PAG1: variants seen among roughly 807,000 people sequenced by gnomAD.
PAG1 encodes phosphoprotein membrane anchor with glycosphingolipid microdomains 1.
A neutral mutation model predicts 31.7 loss-of-function variants in PAG1; 23 were observed. The ratio of observed to expected loss-of-function variants is 0.73; its 90% CI spans 0.52 to 1.03. PAG1 has a LOEUF of 1.03. Among genes scored for constraint, PAG1 ranks in the 50% least tolerant of loss-of-function variants. The probability of loss-of-function intolerance (pLI) is 0.00; values close to 1 mark genes in which losing one functional copy is unlikely to be tolerated. For missense variants in PAG1, 473 were observed against 540.7 expected (o/e 0.87, Z 1.24); for synonymous variants, 214 against 210.3 (o/e 1.02, Z -0.15).
chr8:81,110,356 A>G (rs1208884391), intron 1 of PAG1, among the ~76,000 whole-genome samples: 2 of 152,236 alleles, frequency 1.3e-5, no homozygotes, highest in Non-Finnish European at 2.9e-5. Flanking sequence ...TAACAGTCAC[A>G]CAGCAGTACT....
At position 81,078,170 on chromosome 8, in the gene PAG1, C is replaced by T. The variant is rs559440107; in HGVS notation, c.-233-8000G>A. Among the ~76,000 whole-genome samples, 4 of 152,282 alleles carry T rather than the reference C, an allele frequency of 2.6e-5. No individual in the cohort carries two copies. The South Asian group carries it at 8.3e-4, about 32-fold the overall frequency. On this transcript the variant is annotated intron_variant, in intron 1 of 8. Coordinates refer to ENST00000220597, the MANE Select transcript of PAG1 (RefSeq NM_018440.4). ...ACTTAGTTGTATGTGACTTCATATA[C>T]TTGTTTATTGAGGTTAAGTGGGCTT... is the stretch of plus-strand genomic sequence containing the variant.
intron 1 of PAG1, among the ~76,000 whole-genome samples, chr8:81,087,713 G>A (rs1321649739): frequency 6.6e-6 from 1 of 152,196 alleles, no homozygotes; most frequent in African/African-American, 2.4e-5. Context: ...AACAAGCCCA[G>A]CTAATGTTTC....
At chr8:81,083,896 G>A (rs530049793) in intron 1 of PAG1, among the ~76,000 whole-genome samples, 9 of 152,158 alleles carry the variant, frequency 5.9e-5, no homozygotes, top group South Asian at 4.1e-4. Flanking sequence ...TTAGCCAGGC[G>A]TGGTGGTGCA....
At chr8:81,074,714 A>C (rs940458535) in intron 1 of PAG1, among the ~76,000 whole-genome samples, 1 of 152,160 alleles carries the variant, frequency 6.6e-6, no homozygotes, top group Non-Finnish European at 1.5e-5. Context: ...ATTCACACTA[A>C]ATTTGGGGAA....
At position 80,976,261 on chromosome 8, in the gene PAG1, A is replaced by G; in HGVS notation, c.*283T>C. 2 of 365,012 alleles carry G rather than the reference A, an allele frequency of 5.5e-6. No individual in the cohort carries two copies. The highest frequency in any genetic ancestry group is 8.7e-5 in the South Asian group (2 of 23,078). 22.6% of individuals were successfully genotyped at this position (365,012 alleles called of 1,614,324 possible). ...CTTTCCTCACTAATGAGATGAGACC[A>G]CTGACAGCTGGGATCTTTTGTGGGT... On this transcript the variant is annotated 3_prime_UTR_variant, in exon 9 of 9. Coordinates refer to ENST00000220597, the MANE Select transcript of PAG1 (RefSeq NM_018440.4).
intron 3 of PAG1, among the ~76,000 whole-genome samples, chr8:81,010,747 C>T (rs1043680329): frequency 6.6e-6 from 1 of 152,198 alleles, no homozygotes; most frequent in African/African-American, 2.4e-5. Flanking sequence ...TCAGTTTGAC[C>T]AACATTCATT....
chr8:81,021,416 G>T (rs1808167499), intron 3 of PAG1, among the ~76,000 whole-genome samples: 1 of 148,968 alleles, frequency 6.7e-6, no homozygotes, highest in African/African-American at 2.5e-5. Context: ...TCCTTAGTTT[G>T]CACCCTATGT....
At chr8:81,057,449 T>A (rs1808844064) in intron 2 of PAG1, among the ~76,000 whole-genome samples, 1 of 151,282 alleles carries the variant, frequency 6.6e-6, no homozygotes, top group South Asian at 2.1e-4. Context: ...AAACCATCAT[T>A]CACAGCAAAC....
chr8:80,982,384 C>T (rs953316631), intron 7 of PAG1, among the ~76,000 whole-genome samples: 18 of 152,156 alleles, frequency 1.2e-4, no homozygotes, highest in African/African-American at 4.1e-4. Context: ...TTCCTGGACA[C>T]GTTCTTCACT....
At chr8:81,088,980 T>G (rs1809403694) in intron 1 of PAG1, among the ~76,000 whole-genome samples, 1 of 152,238 alleles carries the variant, frequency 6.6e-6, no homozygotes, top group African/African-American at 2.4e-5. Context: ...ACTGCTGTAA[T>G]TTAATATGCT....
chr8:80,997,919 G>T (rs906846602), intron 3 of PAG1, among the ~76,000 whole-genome samples: 1 of 152,158 alleles, frequency 6.6e-6, no homozygotes, highest in Non-Finnish European at 1.5e-5. Flanking sequence ...TCGAACTACT[G>T]TGAGAACTTG....
At chr8:81,056,546 T>G (rs1808825833) in intron 2 of PAG1, among the ~76,000 whole-genome samples, 1 of 152,146 alleles carries the variant, frequency 6.6e-6, no homozygotes, top group African/African-American at 2.4e-5. Flanking sequence ...GATCCCTTTC[T>G]TACACCTTAT....
Position 80,974,312 on chromosome 8 carries a change from GTTAC to G in PAG1, c.*2228_*2231del, listed in dbSNP as rs1807141073. On this transcript the variant is annotated 3_prime_UTR_variant, in exon 9 of 9. Coordinates refer to ENST00000220597, the MANE Select transcript of PAG1 (RefSeq NM_018440.4). Reference sequence around the variant, plus strand: ...GCTAGGTGTGTAAGATGACATGGCTGTTACCATGTACTAAAGAACCCCATCATGT... The same window carrying G: ...GCTAGGTGTGTAAGATGACATGGCTGCATGTACTAAAGAACCCCATCATGT... 1 of 152,120 alleles carries G rather than the reference GTTAC, an allele frequency of 6.6e-6. No homozygotes were observed. The highest frequency in any genetic ancestry group is 6.5e-5 in the Admixed American group (1 of 15,272). 9.4% of individuals were successfully genotyped at this position (152,120 alleles called of 1,614,324 possible). A position where few individuals can be genotyped will look rare whatever the true frequency, so the allele number is the denominator to read the frequency against.
intron 1 of PAG1, among the ~76,000 whole-genome samples, chr8:81,083,163 G>A (rs938210229): frequency 6.6e-5 from 10 of 152,132 alleles, no homozygotes; most frequent in Non-Finnish European, 1.5e-4. Flanking sequence ...TGATACCTGA[G>A]GGGGATGCAT....
chr8:81,109,784 C>T (rs1216781780), intron 1 of PAG1, among the ~76,000 whole-genome samples: 1 of 152,160 alleles, frequency 6.6e-6, no homozygotes, highest in East Asian at 1.9e-4. Flanking sequence ...ACTGTCATCC[C>T]CATTGTACAG....
rs187837657 is a variant in PAG1 at position 81,061,061 on chromosome 8, T to A, written c.-175+9051A>T. ...GTAGAAAAGACTGGATTTATTATCA[T>A]GTAAAATACAGCCATTAGCAGAAAA... On this transcript the variant is annotated intron_variant, in intron 2 of 8. Transcript: ENST00000220597. Among the ~76,000 whole-genome samples, 790 of 152,324 alleles carry A rather than the reference T, an allele frequency of 5.2e-3. 13 individuals carry two copies. Among genetic ancestry groups the A allele is most frequent in the Non-Finnish European group, 8.8e-3 (600 of 68,032 alleles).
chr8:81,001,842 GC>G (rs1807790335), intron 3 of PAG1, among the ~76,000 whole-genome samples: 1 of 152,128 alleles, frequency 6.6e-6, no homozygotes, highest in Admixed American at 6.5e-5. Context: ...CATGCTCTCA[GC>G]CCCAGGTATT....
intron 3 of PAG1, among the ~76,000 whole-genome samples, chr8:81,011,989 C>T (rs536880367): frequency 1.8e-4 from 28 of 152,304 alleles, no homozygotes; most frequent in African/African-American, 5.5e-4. Flanking sequence ...ATCACTTTAT[C>T]GGGAGTAACA....
rs35780204 is a variant in PAG1, at chr8:81,027,904, C to CAA, written c.-81+2090_-81+2091dup. Among the ~76,000 whole-genome samples, 218 of 51,420 alleles carry CAA rather than the reference C, an allele frequency of 4.2e-3. 1 individual carries two copies. The highest frequency in any genetic ancestry group is 5.8e-3 in the African/African-American group (96 of 16,464). The allele number at this position is 51,420 out of a possible 152,430, so 33.7% of individuals were successfully genotyped here. A position where few individuals can be genotyped will look rare whatever the true frequency, so the allele number is the denominator to read the frequency against. On this transcript the variant is annotated intron_variant, in intron 3 of 8. Coordinates refer to ENST00000220597, the MANE Select transcript of PAG1 (RefSeq NM_018440.4). ...TGGGCGACAGAGCAGGACTCCGTCT[C>CAA]AAAAAAAAAAAAAAAAAAAAAAAGA...
Sources: gnomAD v4.1 joint callset for allele counts (sites outside exome capture counted in the v4.1 genomes callset) on GRCh38, gnomAD v4.1.1 for gene constraint, MANE v1.5 for transcripts, NCBI Gene and HGNC (gene_info 2026-07-23, HGNC 2026-07-21) for gene names.